The following SHISA6 variants were observed in gnomAD, a reference collection of about 807,000 sequenced individuals.
SHISA6 encodes the protein shisa family member 6.
A neutral mutation model predicts 47.9 loss-of-function variants in SHISA6; 22 were observed. The ratio of observed to expected loss-of-function variants is 0.46; its 90% CI spans 0.33 to 0.66. SHISA6 has a LOEUF of 0.66. Among genes scored for constraint, SHISA6 ranks in the 30% least tolerant of loss-of-function variants. The probability of loss-of-function intolerance (pLI) is 0.02; values close to 1 mark genes in which losing one functional copy is unlikely to be tolerated. For missense variants in SHISA6, 680 were observed against 764.6 expected, an observed-to-expected ratio of 0.89 and a Z score of 1.30; for synonymous variants, 388 against 337.8, an observed-to-expected ratio of 1.15 and a Z score of -1.63.
chr17:11,412,910 A>G (rs916979278), intron 3 of SHISA6, among the ~76,000 whole-genome samples: 16 of 152,122 alleles, frequency 1.1e-4, no homozygotes, highest in Admixed American at 3.9e-4. Flanking sequence ...CATGCATGCA[A>G]TAAGTAGGTA....
chr17:11,277,129 GT>G (rs1308753289), intron 2 of SHISA6, among the ~76,000 whole-genome samples: 1 of 152,066 alleles, frequency 6.6e-6, no homozygotes, highest in Non-Finnish European at 1.5e-5. Flanking sequence ...AAATGTTTGA[GT>G]TTTGGCAGAT....
At chr17:11,441,917 T>C (rs536913208) in intron 3 of SHISA6, among the ~76,000 whole-genome samples, 1 of 152,264 alleles carries the variant, frequency 6.6e-6, no homozygotes, top group African/African-American at 2.4e-5. Flanking sequence ...CTTTGCAAAA[T>C]GAGAGAGTGC....
chr17:11,436,797 T>C (rs567313631), intron 3 of SHISA6, among the ~76,000 whole-genome samples: 5 of 152,226 alleles, frequency 3.3e-5, no homozygotes, highest in Admixed American at 6.5e-5. Flanking sequence ...CATTCTATTT[T>C]AGACTTTTGA....
rs573132325 is a variant in SHISA6 at position 11,549,152 on chromosome 17, C to T, written c.896-2744C>T. Among the ~76,000 whole-genome samples, 5 of 152,224 alleles carry T rather than the reference C, an allele frequency of 3.3e-5. No individual in the cohort carries two copies. In the South Asian group the frequency reaches 1.0e-3, roughly 32 times the overall value. On this transcript the variant is annotated intron_variant, in intron 3 of 5. Transcript: ENST00000441885. ...GACACATATACAAGATTATTCATTG[C>T]AATGTTATTTAGGTGGGGGAGTTGG... is the stretch of plus-strand genomic sequence containing the variant.
chr17:11,500,893 T>G (rs1193303942), intron 3 of SHISA6, among the ~76,000 whole-genome samples: 1 of 152,144 alleles, frequency 6.6e-6, no homozygotes, highest in Non-Finnish European at 1.5e-5. Flanking sequence ...TCCCAAAGCA[T>G]AGTGTGCCAG....
intron 2 of SHISA6, among the ~76,000 whole-genome samples, chr17:11,307,420 G>A (rs185373474): frequency 2.8e-4 from 43 of 152,302 alleles, no homozygotes; most frequent in African/African-American, 1.0e-3. Flanking sequence ...CCAAAGCTGG[G>A]TTCCAGTGTC....
At chr17:11,399,744 G>A (rs1482361371) in intron 3 of SHISA6, among the ~76,000 whole-genome samples, 1 of 152,040 alleles carries the variant, frequency 6.6e-6, no homozygotes, top group African/African-American at 2.4e-5. Context: ...TTTTAGAGTA[G>A]CAGATGCAGG....
chr17:11,454,466 T>A (rs1915483241), intron 3 of SHISA6, among the ~76,000 whole-genome samples: 1 of 152,324 alleles, frequency 6.6e-6, no homozygotes, highest in African/African-American at 2.4e-5. Flanking sequence ...GACATCCCAT[T>A]GTACTTGGCC....
intron 2 of SHISA6, among the ~76,000 whole-genome samples, chr17:11,342,759 C>T (rs929090284): frequency 2.0e-5 from 3 of 152,202 alleles, no homozygotes; most frequent in African/African-American, 7.2e-5. Flanking sequence ...ATGAACACCA[C>T]AGGCAAGGTC....
intron 2 of SHISA6, among the ~76,000 whole-genome samples, chr17:11,332,268 A>C (rs2142205596): frequency 6.6e-6 from 1 of 151,942 alleles, no homozygotes; most frequent in Admixed American, 6.6e-5. Context: ...GAAAGACAAT[A>C]ATGTGTTTAC....
At chr17:11,367,225 C>T (rs1187781634) in intron 2 of SHISA6, among the ~76,000 whole-genome samples, 1 of 152,030 alleles carries the variant, frequency 6.6e-6, no homozygotes, top group Non-Finnish European at 1.5e-5. Context: ...TATGAATGAG[C>T]CCATTGAGGG....
At chr17:11,309,553 A>G (rs1055528782) in intron 2 of SHISA6, among the ~76,000 whole-genome samples, 2 of 152,070 alleles carry the variant, frequency 1.3e-5, no homozygotes, top group Non-Finnish European at 2.9e-5. Flanking sequence ...TGATGCTTTG[A>G]TGTTTTAACT....
At chr17:11,357,187 C>CAAACAAA (rs1912106315) in intron 2 of SHISA6, among the ~76,000 whole-genome samples, 1 of 90,132 alleles carries the variant, frequency 1.1e-5, no homozygotes, top group South Asian at 4.8e-4. Flanking sequence ...GACTCCGTCT[C>CAAACAAA]AAAAAAAAAA....
chr17:11,407,420 G>A (rs1420470320), intron 3 of SHISA6, among the ~76,000 whole-genome samples: 6 of 151,924 alleles, frequency 3.9e-5, no homozygotes, highest in Admixed American at 6.6e-5. Context: ...GACCTAACTC[G>A]ACCCCGGAAG....
intron 3 of SHISA6, among the ~76,000 whole-genome samples, chr17:11,435,525 G>A (rs1429212713): frequency 6.6e-6 from 1 of 152,076 alleles, no homozygotes; most frequent in Admixed American, 6.6e-5. Context: ...GGCACCCTGT[G>A]CAGGAATCTG....
intron 2 of SHISA6, among the ~76,000 whole-genome samples, chr17:11,329,112 G>A (rs117890308): frequency 6.6e-6 from 1 of 152,328 alleles, no homozygotes; most frequent in East Asian, 1.9e-4. Flanking sequence ...GATTGCAATT[G>A]CCTGTATTCA....
intron 2 of SHISA6, among the ~76,000 whole-genome samples, chr17:11,285,909 T>A (rs960947692): frequency 6.6e-6 from 1 of 151,346 alleles, no homozygotes. Context: ...CGATCTTGGC[T>A]CACTGCAACG....
intron 1 of SHISA6, among the ~76,000 whole-genome samples, chr17:11,251,941 C>G (rs1034730943): frequency 1.3e-5 from 2 of 152,200 alleles, no homozygotes; most frequent in Non-Finnish European, 2.9e-5. Context: ...CTCACATTCC[C>G]TGGTGTGCAG....
At chr17:11,395,015 T>G (rs1283480032) in intron 3 of SHISA6, among the ~76,000 whole-genome samples, 3 of 145,908 alleles carry the variant, frequency 2.1e-5, no homozygotes, top group African/African-American at 7.5e-5. Flanking sequence ...TTTTTTTTTT[T>G]TTTTGAGACA....
Sources: allele counts gnomAD v4.1 joint callset (sites outside exome capture counted in the v4.1 genomes callset), GRCh38; gene constraint gnomAD v4.1.1; transcripts MANE v1.5; gene names NCBI Gene and HGNC (gene_info 2026-07-23, HGNC 2026-07-21).